CEP43: variants seen among roughly 807,000 people sequenced by gnomAD.
CEP43 encodes FGFR1 oncogene partner.
CEP43 carries 36 observed loss-of-function variants against 52.6 expected under a neutral mutation model. The observed-to-expected ratio is 0.68, with a 90% CI of 0.52 to 0.90. The LOEUF (loss-of-function observed/expected upper bound fraction) is 0.90, where lower values mean the gene tolerates loss of function less well. CEP43 is among the 40% of genes least tolerant of loss of function. The pLI, the probability that CEP43 is intolerant of heterozygous loss-of-function variation, is 0.00. For missense variants in CEP43, 506 were observed against 472.8 expected (o/e 1.07, Z -0.65); for synonymous variants, 192 against 172.4 (o/e 1.11, Z -0.89).
chr6:167,041,025 C>A lies in CEP43; in HGVS notation c.*1047C>A, dbSNP rs1205322965. 1 of 995,746 alleles carries A rather than the reference C, an allele frequency of 1.0e-6. No homozygotes were observed. Among genetic ancestry groups the A allele is most frequent in the Non-Finnish European group, 1.2e-6 (1 of 831,636 alleles). 61.7% of individuals were successfully genotyped at this position (995,746 alleles called of 1,614,324 possible). On this transcript the variant is annotated 3_prime_UTR_variant, in exon 13 of 13. Coordinates refer to ENST00000366847, the MANE Select transcript of CEP43 (RefSeq NM_007045.4). The stretch of plus-strand genomic sequence containing the variant: ...TTTTAAAATGTGCAAGTAGAAAAAA[C>A]AGTAGAAAGTGATGCATGCATATTT...
chr6:167,004,318 G>A lies in CEP43; in HGVS notation c.355G>A (p.Ala119Thr). 6.2e-7 allele frequency: 1 copy of A among 1,610,736 alleles called. No homozygotes were observed. Among genetic ancestry groups the A allele is most frequent in the African/African-American group, 1.3e-5 (1 of 74,882 alleles). ...NLARDLGIIE[A>T]EGTVGGPLLL... ...AGCCCGAGATTTAGGTATAATTGAA[G>A]CAGAAGGTACTGTGGGTGGACCCTT... The change falls in exon 5 of 13, where the codon GCA (alanine) becomes ACA (threonine). Residue 119 changes from alanine (A) to threonine (T), a missense_variant. By Grantham distance (58) the Ala-to-Thr change is moderately conservative. Transcript: ENST00000366847.
intron 7 of CEP43, among the ~76,000 whole-genome samples, chr6:167,017,549 T>C (rs1349745678): frequency 6.8e-6 from 1 of 146,104 alleles, no homozygotes; most frequent in Non-Finnish European, 1.5e-5. Context: ...AGTATTTCTT[T>C]GATATTTTTC....
intron 5 of CEP43, among the ~76,000 whole-genome samples, chr6:167,009,559 G>A (rs115891181): frequency 0.017 from 2,567 of 149,358 alleles, 43 homozygotes; most frequent in East Asian, 0.082. Context: ...GTGGTACTCG[G>A]GAGGTTGAGG....
chr6:167,041,918 G>A lies in CEP43; in HGVS notation c.*1940G>A, dbSNP rs750249788. 38 of 587,500 alleles carry A rather than the reference G, an allele frequency of 6.5e-5. No individual in the cohort carries two copies. The highest frequency in any genetic ancestry group is 8.0e-5 in the Non-Finnish European group (37 of 460,520). 36.4% of individuals were successfully genotyped at this position (587,500 alleles called of 1,614,324 possible). A position where few individuals can be genotyped will look rare whatever the true frequency, so the allele number is the denominator to read the frequency against. On this transcript the variant is annotated 3_prime_UTR_variant, in exon 13 of 13. Coordinates refer to ENST00000366847, the MANE Select transcript of CEP43 (RefSeq NM_007045.4). ...GGCTCACTGCAACCTCCGCCTCCTG[G>A]GTTCAAGCGATTCTCCTGCTTCAGC...
At chr6:167,028,136 T>C (rs2181059) in intron 10 of CEP43, 451,598 of 985,360 alleles carry the variant, frequency 0.46, 104,365 homozygotes, top group Non-Finnish European at 0.47. Flanking sequence ...GATGGCCGCC[T>C]TGTCCCCTTT....
intron 7 of CEP43, 125 bp from the exon 8 acceptor site, chr6:167,022,284 A>AAGGTTG: frequency 1.5e-6 from 1 of 650,232 alleles, no homozygotes; most frequent in South Asian, 1.9e-5. Context: ...ACACACACAC[A>AAGGTTG]CACACACACA....
At position 167,046,343 on chromosome 6, in the gene CEP43, AAAGG is replaced by A. The variant is rs1462479310; in HGVS notation, c.*6369_*6372del. The A allele has an allele frequency of 6.6e-6, 1 of 152,118 alleles. No individual in the cohort carries two copies. The highest frequency in any genetic ancestry group is 2.4e-5 in the African/African-American group (1 of 41,326). 9.4% of individuals were successfully genotyped at this position (152,118 alleles called of 1,614,324 possible). A position where few individuals can be genotyped will look rare whatever the true frequency, so the allele number is the denominator to read the frequency against. On this transcript the variant is annotated 3_prime_UTR_variant, in exon 13 of 13. Coordinates refer to ENST00000366847, the MANE Select transcript of CEP43 (RefSeq NM_007045.4). ...GGAAGGGAGGGAGGGAGAGAAGGAGAAAGGAAGAAAGGGAAGGAAAATGGAATGG... is the reference window on the plus strand; with the variant it reads ...GGAAGGGAGGGAGGGAGAGAAGGAGAAAGAAAGGGAAGGAAAATGGAATGG...
intron 5 of CEP43, among the ~76,000 whole-genome samples, chr6:167,006,933 C>T (rs1317404857): frequency 1.3e-5 from 2 of 152,142 alleles, no homozygotes; most frequent in Non-Finnish European, 2.9e-5. Flanking sequence ...TTCTCTTTAC[C>T]TCTAAAAAGT....
intron 6 of CEP43, among the ~76,000 whole-genome samples, chr6:167,012,664 TTAAAGTC>T (rs1453307446): frequency 6.6e-6 from 1 of 152,200 alleles, no homozygotes; most frequent in Non-Finnish European, 1.5e-5. Context: ...GGGTAAAATA[TTAAAGTC>T]TATTTTACGT....
chr6:167,022,097 GTA>G (rs900789008), intron 7 of CEP43, among the ~76,000 whole-genome samples: 3 of 152,136 alleles, frequency 2.0e-5, no homozygotes, highest in Admixed American at 6.5e-5. Flanking sequence ...AATGGGATAG[GTA>G]TACTAAAGGT....
chr6:167,009,753 T>C (rs1009575892), intron 5 of CEP43, among the ~76,000 whole-genome samples: 5 of 151,512 alleles, frequency 3.3e-5, no homozygotes, highest in African/African-American at 1.2e-4. Context: ...GGAGGATCAC[T>C]TGAATCTGGG....
intron 2 of CEP43, among the ~76,000 whole-genome samples, chr6:167,000,762 G>A (rs1007165615): frequency 3.3e-5 from 5 of 152,136 alleles, no homozygotes; most frequent in Non-Finnish European, 7.3e-5. Context: ...CCCTTTCCAT[G>A]TCTGTGCAGG....
intron 6 of CEP43, among the ~76,000 whole-genome samples, chr6:167,012,793 G>A (rs537526315): frequency 5.6e-4 from 86 of 152,306 alleles, no homozygotes; most frequent in African/African-American, 2.0e-3. Flanking sequence ...AGGGGGGACT[G>A]TCCTGAGGCT....
At chr6:167,022,744 T>G in intron 8 of CEP43, 109 bp downstream of exon 8, 1 of 764,354 alleles carries the variant, frequency 1.3e-6, no homozygotes, top group Non-Finnish European at 2.1e-6. Context: ...AATTATTGGA[T>G]CCATAAATCT....
chr6:167,000,106 AAGT>A lies in CEP43; in HGVS notation c.152_154del (p.Val51del). 1 of 1,611,724 alleles carries A rather than the reference AAGT, an allele frequency of 6.2e-7. No individual in the cohort carries two copies. Among genetic ancestry groups the A allele is most frequent in the South Asian group, 1.1e-5 (1 of 90,900 alleles). On this transcript the variant is annotated inframe_deletion, in exon 2 of 13. Coordinates refer to ENST00000366847, the MANE Select transcript of CEP43 (RefSeq NM_007045.4). ...TTTTTAGCACTAGAGGAGCAAGAAA[AAGT>A]AGAGGTATGAAGTTTCCAGATTTTA...
chr6:167,020,770 G>A (rs764502090), intron 7 of CEP43, among the ~76,000 whole-genome samples: 2 of 152,024 alleles, frequency 1.3e-5, no homozygotes, highest in African/African-American at 4.8e-5. Context: ...TTAGCCAAGC[G>A]TGGTGGCACG....
chr6:167,038,287 C>T (rs162294), intron 12 of CEP43, among the ~76,000 whole-genome samples: 41,613 of 151,540 alleles, frequency 0.27, 6,702 homozygotes, highest in Admixed American at 0.43. Flanking sequence ...CTCCATGGGC[C>T]GTCCTGTCTG....
chr6:167,050,801 A>AAAAG lies in CEP43; in HGVS notation c.*10831_*10834dup, dbSNP rs1780861551. Reference sequence around the variant, plus strand: ...AAAAAGAAAAAAAAAAAAAAAAAAAAAAAGAAAGAAAATGAGACATTGGAT... The same window carrying AAAAG: ...AAAAAGAAAAAAAAAAAAAAAAAAAAAAAGAAAGAAAGAAAATGAGACATTGGAT... On this transcript the variant is annotated 3_prime_UTR_variant, in exon 13 of 13. Transcript: ENST00000366847. 6.6e-6 allele frequency: 1 copy of AAAAG among 150,846 alleles called. No homozygotes were observed. The highest frequency in any genetic ancestry group is 1.5e-5 in the Non-Finnish European group (1 of 67,676). The allele number at this position is 150,846 out of a possible 1,614,324, so 9.3% of individuals were successfully genotyped here.
At chr6:167,018,884 T>C (rs1780161117) in intron 7 of CEP43, among the ~76,000 whole-genome samples, 1 of 152,222 alleles carries the variant, frequency 6.6e-6, no homozygotes, top group South Asian at 2.1e-4. Flanking sequence ...TACATACGTA[T>C]ACAGATGGTC....
Sources: gnomAD v4.1 joint callset for allele counts (sites outside exome capture counted in the v4.1 genomes callset) on GRCh38, gnomAD v4.1.1 for gene constraint, MANE v1.5 for transcripts, NCBI Gene and HGNC (gene_info 2026-07-23, HGNC 2026-07-21) for gene names.